Variants in ZNF638 observed in about 807,000 individuals in gnomAD.
The protein encoded by ZNF638 is zinc finger protein 638, also known as CTCL tumor antigen se33-1.
ZNF638 carries 46 observed loss-of-function variants against 195.6 expected under a neutral mutation model. That is an observed-to-expected ratio of 0.24 (90% CI 0.19 to 0.30). The LOEUF (loss-of-function observed/expected upper bound fraction) is 0.30. ZNF638 is among the 10% of genes least tolerant of loss of function. The pLI, the probability that ZNF638 is intolerant of heterozygous loss-of-function variation, is 1.00. For synonymous variants in ZNF638, 845 were observed against 772.0 expected (o/e 1.09, Z -1.57); for missense variants, 2,440 against 2,325.3 (o/e 1.05, Z -1.01).
intron 20 of ZNF638, chr2:71,408,686 A>G: frequency 2.4e-6 from 1 of 422,082 alleles, no homozygotes; most frequent in South Asian, 1.8e-5. Flanking sequence ...ACAGTAGTAC[A>G]TGTAGGAAAG....
intron 10 of ZNF638, among the ~76,000 whole-genome samples, chr2:71,384,582 T>C (rs1288675953): frequency 6.6e-6 from 1 of 152,216 alleles, no homozygotes; most frequent in Admixed American, 6.5e-5. Context: ...GCAGGCAAGG[T>C]ACTGAAGATA....
In ZNF638 at chr2:71,348,576, A is replaced by G. The variant is rs1290591237; in HGVS notation, c.-202-177A>G. On this transcript the variant is annotated intron_variant, in intron 1 of 27. Transcript: ENST00000264447. ...GGGGCTTGTGTTCTGCATTCAGGAA[A>G]GAAAAGAAGAGAAAGTTTTTGGGAA... 4 of 1,193,290 alleles carry G rather than the reference A, an allele frequency of 3.4e-6. No individual in the cohort carries two copies. In the East Asian group the frequency reaches 1.7e-4, roughly 52 times the overall value. The allele number at this position is 1,193,290 out of a possible 1,614,324, so 73.9% of individuals were successfully genotyped here.
intron 11 of ZNF638, among the ~76,000 whole-genome samples, chr2:71,396,994 A>G (rs901521857): frequency 6.6e-6 from 1 of 152,206 alleles, no homozygotes; most frequent in Non-Finnish European, 1.5e-5. Context: ...TAAAAAGGAA[A>G]GGAAACAGCC....
chr2:71,344,841 A>G (rs932804200), intron 1 of ZNF638, among the ~76,000 whole-genome samples: 1 of 152,250 alleles, frequency 6.6e-6, no homozygotes, highest in Non-Finnish European at 1.5e-5. Context: ...TGAAGTATAA[A>G]TAACAAGCAT....
At chr2:71,333,354 T>C (rs2078607045) in intron 1 of ZNF638, among the ~76,000 whole-genome samples, 1 of 152,230 alleles carries the variant, frequency 6.6e-6, no homozygotes, top group Non-Finnish European at 1.5e-5. Context: ...AGGGTAAATA[T>C]AACAGTTGGA....
At position 71,364,177 on chromosome 2, in the gene ZNF638, C is replaced by G; in HGVS notation, c.1642C>G (p.Pro548Ala). 6.2e-7 allele frequency: 1 copy of G among 1,614,168 alleles called. No individual in the cohort carries two copies. The highest frequency in any genetic ancestry group is 8.5e-7 in the Non-Finnish European group (1 of 1,180,024). The change falls in exon 5 of 28, where the codon CCA (proline) becomes GCA (alanine). Residue 548 changes from proline to alanine, a missense_variant. Physicochemically the swap from Pro to Ala is conservative, Grantham distance 27 (BLOSUM62 -1). This residue lies in a region of ZNF638 where 1,883 missense variants were observed against 1,739.1 expected (regional missense o/e 1.08). Transcript: ENST00000264447. ...CCGTTCACCATATCGAATTAGAAAT[C>G]CATTTAGAGGTAGTCCAAAATGCTT... is the stretch of plus-strand genomic sequence containing the variant. The part of the protein sequence containing the change: ...RSRSPYRIRN[P>A]FRGSPKCFRS...
chr2:71,370,868 A>C (rs543597934), intron 8 of ZNF638, among the ~76,000 whole-genome samples: 1 of 152,302 alleles, frequency 6.6e-6, no homozygotes, highest in African/African-American at 2.4e-5. Flanking sequence ...TTAAAAATGT[A>C]ACATTAAATT....
At chr2:71,361,944 A>G (rs2079116673) in intron 3 of ZNF638, among the ~76,000 whole-genome samples, 1 of 152,208 alleles carries the variant, frequency 6.6e-6, no homozygotes, top group East Asian at 1.9e-4. Context: ...GGTTCGACCT[A>G]ACGTTATTTT....
chr2:71,345,990 A>G (rs866928038), intron 1 of ZNF638, among the ~76,000 whole-genome samples: 2 of 152,212 alleles, frequency 1.3e-5, no homozygotes, highest in South Asian at 2.1e-4. Context: ...TGTGTACTTG[A>G]ATCATTGTAA....
At chr2:71,361,816 T>C (rs1573048872) in intron 3 of ZNF638, 1 of 1,712 alleles carries the variant, frequency 5.8e-4, no homozygotes. Flanking sequence ...AATATTTAGC[T>C]TTTTTTTTGC....
chr2:71,370,833 A>G lies in ZNF638; in HGVS notation c.2265+828A>G, dbSNP rs186905056. 2.4e-3 allele frequency among the ~76,000 whole-genome samples: 362 copies of G among 152,320 alleles called. 2 individuals are homozygous for G. Among genetic ancestry groups the G allele is most frequent in the African/African-American group, 8.4e-3 (350 of 41,578 alleles). On this transcript the variant is annotated intron_variant, in intron 8 of 27. Coordinates refer to ENST00000264447, the MANE Select transcript of ZNF638 (RefSeq NM_014497.5). ...AACATTTATTCTTTGTGTATCAAAT[A>G]ATCCAGTTATACTCTTATAATTGTT... is the stretch of plus-strand genomic sequence containing the variant.
At chr2:71,343,825 C>A (rs1278356849) in intron 1 of ZNF638, among the ~76,000 whole-genome samples, 4 of 152,216 alleles carry the variant, frequency 2.6e-5, no homozygotes, top group Non-Finnish European at 4.4e-5. Context: ...ATCACACCAT[C>A]TCCTGTTAAA....
At position 71,365,693 on chromosome 2, in the gene ZNF638, C is replaced by A. The variant is rs1378698668; in HGVS notation, c.1982C>A (p.Ser661Tyr). 1.9e-6 allele frequency: 3 copies of A among 1,609,846 alleles called. No homozygotes were observed. The highest frequency in any genetic ancestry group is 2.2e-5 in the East Asian group (1 of 44,838). The change falls in exon 6 of 28, where the codon TCT (serine) becomes TAT (tyrosine). Residue 661 changes from serine to tyrosine, a missense_variant. By Grantham distance (144) the Ser-to-Tyr change is moderately radical (BLOSUM62 -2). Transcript: ENST00000264447. ...ECKQVSDKAV[S>Y]LQRKLRKEQS... ...AAACAGGTGTCTGATAAAGCTGTTT[C>A]TCTCCAGCGAAAGGTAATTCTTTAA... is the stretch of plus-strand genomic sequence containing the variant.
chr2:71,368,746 A>G (rs775847709), intron 7 of ZNF638, among the ~76,000 whole-genome samples: 13 of 152,222 alleles, frequency 8.5e-5, no homozygotes, highest in Non-Finnish European at 1.6e-4. Context: ...CCAGCTAAAT[A>G]TTTTTGGTTT....
chr2:71,400,371 C>T (rs1190265486), intron 14 of ZNF638, 107 bp from the exon 15 acceptor site: 1 of 1,162,770 alleles, frequency 8.6e-7, no homozygotes, highest in Non-Finnish European at 1.2e-6. Flanking sequence ...ATTCTCTAGA[C>T]TTGTTGTATT....
intron 22 of ZNF638, 74 bp downstream of exon 22, chr2:71,424,112 A>G (rs2080486525): frequency 6.6e-7 from 1 of 1,518,864 alleles, no homozygotes; most frequent in Non-Finnish European, 8.8e-7. Context: ...ATGTAGTAGG[A>G]GATGTAATTT....
chr2:71,423,986 A>T lies in ZNF638; in HGVS notation c.4472A>T (p.Gln1491Leu), dbSNP rs745895004. 5 of 1,613,694 alleles carry T rather than the reference A, an allele frequency of 3.1e-6. No homozygotes were observed. The highest frequency in any genetic ancestry group is 4.2e-6 in the Non-Finnish European group (5 of 1,179,634). Residue 1491 changes from glutamine to leucine, a missense_variant, in exon 22 of 28, where the codon CAG becomes CTG. By Grantham distance (113) the Gln-to-Leu change is moderately radical. Transcript: ENST00000264447. ...LDYRDITKQS[Q>L]ETEARPSIMK... ...TACAGAGATATAACAAAACAATCTCAGGAAACAGAGGCTAGACCTTCCATC... is the reference window on the plus strand; with the variant it reads ...TACAGAGATATAACAAAACAATCTCTGGAAACAGAGGCTAGACCTTCCATC...
intron 20 of ZNF638, chr2:71,408,506 AGT>A: frequency 5.3e-6 from 2 of 380,804 alleles, no homozygotes; most frequent in South Asian, 6.2e-5. Flanking sequence ...TTTTGTGTAT[AGT>A]GACTCTTTGT....
rs780396533 is a variant in ZNF638, at chr2:71,349,092, G to A, written c.138G>A (p.Gly46=). Reference sequence around the variant, plus strand: ...GTCTCCCAAGATTTTACCCAGCAGGGAGAGCACGTGGAATTCCACACAGAT... The same window carrying A: ...GTCTCCCAAGATTTTACCCAGCAGGAAGAGCACGTGGAATTCCACACAGAT... The part of the protein sequence containing the change: ...SMGLPRFYPA[G]RARGIPHRFA... Residue 46 remains glycine (G), a synonymous_variant, in exon 2 of 28, where the codon GGG becomes GGA. Transcript: ENST00000264447. 1.7e-5 allele frequency: 28 copies of A among 1,614,178 alleles called. No homozygotes were observed. Among genetic ancestry groups the A allele is most frequent in the Middle Eastern group, 3.3e-4 (2 of 6,062 alleles).
Sources: allele counts gnomAD v4.1 joint callset (sites outside exome capture counted in the v4.1 genomes callset), GRCh38; gene constraint gnomAD v4.1.1; regional missense constraint gnomAD v4.1.1; transcripts MANE v1.5; gene names NCBI Gene and HGNC (gene_info 2026-07-23, HGNC 2026-07-21).